Variants in MAPK10 observed in about 807,000 individuals in gnomAD.
The protein encoded by MAPK10 is JNK3 alpha protein kinase.
Under a neutral mutation model 59.3 loss-of-function variants are expected in MAPK10, and 25 were observed. The observed-to-expected ratio is 0.42, with a 90% CI of 0.31 to 0.59. The LOEUF (loss-of-function observed/expected upper bound fraction) is 0.59. MAPK10 is among the 20% of genes least tolerant of loss of function. The pLI, the probability that MAPK10 is intolerant of heterozygous loss-of-function variation, is 0.15. For missense variants in MAPK10, 351 were observed against 568.9 expected (o/e 0.62, Z 3.90); for synonymous variants, 190 against 200.5 (o/e 0.95, Z 0.44).
At chr4:86,427,688 G>T (rs1173027787) in intron 1 of MAPK10, among the ~76,000 whole-genome samples, 1 of 152,218 alleles carries the variant, frequency 6.6e-6, no homozygotes, top group Non-Finnish European at 1.5e-5. Context: ...CAGGTTAAAA[G>T]AGTTGGACTA....
intron 2 of MAPK10, among the ~76,000 whole-genome samples, chr4:86,217,433 G>T (rs2088026841): frequency 6.6e-6 from 1 of 152,102 alleles, no homozygotes; most frequent in South Asian, 2.1e-4. Flanking sequence ...CATTTACACA[G>T]GTGAAGTATC....
chr4:86,151,283 G>A (rs1228652628), intron 4 of MAPK10, among the ~76,000 whole-genome samples: 2 of 152,182 alleles, frequency 1.3e-5, no homozygotes, highest in East Asian at 3.9e-4. Context: ...CTTCTGTAAA[G>A]AATGTTGCTG....
chr4:86,080,208 T>C (rs920644199), intron 9 of MAPK10: 2 of 151,504 alleles, frequency 1.3e-5, no homozygotes, highest in Non-Finnish European at 1.5e-5. Flanking sequence ...ATTCCAGTAA[T>C]TGAATAAAGG....
At chr4:86,157,373 G>C (rs1169594180) in intron 4 of MAPK10, among the ~76,000 whole-genome samples, 5 of 151,864 alleles carry the variant, frequency 3.3e-5, no homozygotes, top group Non-Finnish European at 7.4e-5. Flanking sequence ...GATGATATCT[G>C]TTTTGTAATT....
At chr4:86,088,643 A>G (rs1337433039) in intron 9 of MAPK10, among the ~76,000 whole-genome samples, 1 of 152,216 alleles carries the variant, frequency 6.6e-6, no homozygotes, top group Non-Finnish European at 1.5e-5. Flanking sequence ...AAGAGAAGGA[A>G]TTAGAGCTAT....
At chr4:86,459,276 T>C (rs1751513493) in intron 1 of MAPK10, among the ~76,000 whole-genome samples, 1 of 152,156 alleles carries the variant, frequency 6.6e-6, no homozygotes, top group Non-Finnish European at 1.5e-5. Flanking sequence ...GTGGATGCAG[T>C]GAACAGGGAA....
intron 1 of MAPK10, among the ~76,000 whole-genome samples, chr4:86,421,095 A>G (rs1311080438): frequency 6.6e-6 from 1 of 152,130 alleles, no homozygotes; most frequent in African/African-American, 2.4e-5. Flanking sequence ...AAGAAAAAAA[A>G]AAAATTTACA....
chr4:86,411,624 T>A (rs1745183070), intron 1 of MAPK10, among the ~76,000 whole-genome samples: 1 of 152,364 alleles, frequency 6.6e-6, no homozygotes. Flanking sequence ...TAGCTCTTCT[T>A]GTTGAATTTA....
At chr4:86,260,594 G>C (rs1011060646) in intron 2 of MAPK10, among the ~76,000 whole-genome samples, 19 of 151,982 alleles carry the variant, frequency 1.3e-4, no homozygotes, top group African/African-American at 4.6e-4. Context: ...TTCCATAGTA[G>C]CTCCCTGTAG....
intron 2 of MAPK10, among the ~76,000 whole-genome samples, chr4:86,264,134 A>G (rs1048711608): frequency 2.6e-5 from 4 of 152,206 alleles, no homozygotes; most frequent in Non-Finnish European, 5.9e-5. Flanking sequence ...CTTGTATTAA[A>G]ATGTGTTTTA....
intron 3 of MAPK10, chr4:86,160,512 T>C (rs1028930208): frequency 6.6e-6 from 1 of 152,038 alleles, no homozygotes; most frequent in Non-Finnish European, 1.5e-5. Context: ...TTTTGACCCA[T>C]TTGGGGCATT....
chr4:86,155,771 C>T (rs2067586734), intron 4 of MAPK10, among the ~76,000 whole-genome samples: 1 of 152,058 alleles, frequency 6.6e-6, no homozygotes, highest in Non-Finnish European at 1.5e-5. Flanking sequence ...AAGTTGGGAA[C>T]TTTCACTTTT....
At chr4:86,132,792 T>C (rs941560883) in intron 4 of MAPK10, among the ~76,000 whole-genome samples, 1 of 152,200 alleles carries the variant, frequency 6.6e-6, no homozygotes, top group Admixed American at 6.5e-5. Flanking sequence ...GGATCTAATA[T>C]CTGATGATCT....
chr4:86,424,160 G>A (rs537862247), intron 1 of MAPK10, among the ~76,000 whole-genome samples: 3 of 151,932 alleles, frequency 2.0e-5, no homozygotes, highest in Non-Finnish European at 2.9e-5. Context: ...AGTTCAGACC[G>A]ACTTCTTCAA....
At chr4:86,425,488 G>T (rs1334564476) in intron 1 of MAPK10, among the ~76,000 whole-genome samples, 1 of 151,830 alleles carries the variant, frequency 6.6e-6, no homozygotes, top group Admixed American at 6.6e-5. Flanking sequence ...AAACACACCT[G>T]TTTTGTTTTG....
chr4:86,121,647 T>C (rs994945817), intron 4 of MAPK10, among the ~76,000 whole-genome samples: 10 of 152,180 alleles, frequency 6.6e-5, no homozygotes, highest in Non-Finnish European at 1.5e-4. Context: ...CATATTTTGA[T>C]ATATGTATAC....
intron 1 of MAPK10, among the ~76,000 whole-genome samples, chr4:86,409,493 G>A (rs376502941): frequency 1.3e-5 from 2 of 152,182 alleles, no homozygotes; most frequent in African/African-American, 4.8e-5. Flanking sequence ...ACCTTGAGCA[G>A]TATGGCCATT....
At chr4:86,173,445 C>T (rs374545972) in intron 3 of MAPK10, among the ~76,000 whole-genome samples, 1 of 152,064 alleles carries the variant, frequency 6.6e-6, no homozygotes, top group East Asian at 1.9e-4. Flanking sequence ...TGGACCCCTT[C>T]CTTACACCTT....
chr4:86,575,495 A>G (rs1761815333), intron 1 of MAPK10, among the ~76,000 whole-genome samples: 1 of 152,094 alleles, frequency 6.6e-6, no homozygotes, highest in South Asian at 2.1e-4. Context: ...TTCATTATTA[A>G]GTATGTCAGC....
Sources: gnomAD v4.1 joint callset for allele counts (sites outside exome capture counted in the v4.1 genomes callset) on GRCh38, gnomAD v4.1.1 for gene constraint, MANE v1.5 for transcripts, NCBI Gene and HGNC (gene_info 2026-07-23, HGNC 2026-07-21) for gene names.